Variants in FRMD4A observed in about 807,000 individuals in gnomAD.
FRMD4A encodes the protein FERM domain containing 4A.
In FRMD4A, 29 loss-of-function variants were observed where a neutral mutation model predicts 129.1. The observed-to-expected ratio is 0.22, with a 90% CI of 0.17 to 0.31. The LOEUF (loss-of-function observed/expected upper bound fraction) is 0.31, where lower values mean the gene tolerates loss of function less well. Among genes scored for constraint, FRMD4A ranks in the 10% least tolerant of loss-of-function variants. FRMD4A has a pLI of 1.00. For missense variants in FRMD4A, 1,272 were observed against 1,375.8 expected (o/e 0.92, Z 1.19); for synonymous variants, 634 against 571.6 (o/e 1.11, Z -1.56).
Position 13,651,908 on chromosome 10 carries a change from T to C in FRMD4A, c.3117A>G (p.Glu1039=). The change falls in exon 24 of 25, where the codon GAA becomes GAG. Residue 1039 remains glutamate, a synonymous_variant. Transcript: ENST00000357447. ...CAAAACTCCCCTTACGGTACCTCTA[T>C]TCATCAGTACTTTGGTGAGGTGGAG... is the stretch of plus-strand genomic sequence containing the variant. The part of the protein sequence containing the change: ...SESPPHQSTD[E] 4 of 1,535,408 alleles carry C rather than the reference T, an allele frequency of 2.6e-6. No homozygotes were observed. The highest frequency in any genetic ancestry group is 1.1e-5 in the South Asian group (1 of 89,458).
At chr10:13,799,631 T>C (rs72771021) in intron 4 of FRMD4A, among the ~76,000 whole-genome samples, 5,620 of 152,312 alleles carry the variant, frequency 0.037, 141 homozygotes, top group Admixed American at 0.054. Flanking sequence ...CTCAGCCTCC[T>C]GCGAGTACAC....
chr10:14,039,447 AATCAATCAATCTATCT>A (rs1352047658), intron 2 of FRMD4A, among the ~76,000 whole-genome samples: 6 of 68,404 alleles, frequency 8.8e-5, no homozygotes, highest in African/African-American at 3.2e-4. Context: ...GGAACCCCAA[AATCAATCAATCTATCT>A]ATCTATCTAT....
intron 2 of FRMD4A, among the ~76,000 whole-genome samples, chr10:14,080,699 G>A (rs1835880759): frequency 6.6e-6 from 1 of 151,978 alleles, no homozygotes; most frequent in East Asian, 1.9e-4. Context: ...AAGACTGCGA[G>A]GGAGGATATT....
chr10:13,856,450 T>C (rs906614111), intron 3 of FRMD4A, among the ~76,000 whole-genome samples: 1 of 152,014 alleles, frequency 6.6e-6, no homozygotes, highest in Non-Finnish European at 1.5e-5. Context: ...CCTCAAACTG[T>C]TGGGGGCTCC....
Position 13,856,856 on chromosome 10 carries a change from T to C in FRMD4A, c.111+1991A>G, listed in dbSNP as rs547728011. The stretch of plus-strand genomic sequence containing the variant: ...TTCTAAACTGCCATTTGAGGTCTCA[T>C]TTCCTATTCCAGAAGGTGGCTTCTT... On this transcript the variant is annotated intron_variant, in intron 3 of 24. Transcript: ENST00000357447. 3.3e-5 allele frequency among the ~76,000 whole-genome samples: 5 copies of C among 152,326 alleles called. No individual in the cohort carries two copies. In the East Asian group the frequency reaches 9.6e-4, roughly 29 times the overall value.
At chr10:13,655,867 G>C (rs1057068134) in intron 22 of FRMD4A, 1 of 152,120 alleles carries the variant, frequency 6.6e-6, no homozygotes, top group Admixed American at 6.5e-5. Flanking sequence ...TGCTGAGACC[G>C]GAGCACGAGG....
intron 2 of FRMD4A, among the ~76,000 whole-genome samples, chr10:14,124,337 C>T (rs1838707079): frequency 6.6e-6 from 1 of 152,162 alleles, no homozygotes; most frequent in East Asian, 1.9e-4. Flanking sequence ...CTGCAGGATA[C>T]CTGCTATTAC....
At chr10:13,711,264 G>C (rs957014752) in intron 12 of FRMD4A, among the ~76,000 whole-genome samples, 1 of 152,244 alleles carries the variant, frequency 6.6e-6, no homozygotes, top group African/African-American at 2.4e-5. Flanking sequence ...TTGAGGCTTA[G>C]AAGTCCTGCC....
At chr10:14,204,350 C>T (rs1842721544) in intron 2 of FRMD4A, among the ~76,000 whole-genome samples, 1 of 151,962 alleles carries the variant, frequency 6.6e-6, no homozygotes, top group Admixed American at 6.6e-5. Context: ...AATCACTGAG[C>T]CCAGGGAGGT....
rs561149820 is a variant in FRMD4A, at chr10:13,710,576, G to T, written c.760-3463C>A. 3 of 152,384 alleles carry T rather than the reference G, an allele frequency of 2.0e-5. No homozygotes were observed. In the East Asian group the frequency reaches 5.8e-4, roughly 29 times the overall value. 9.4% of individuals were successfully genotyped at this position (152,384 alleles called of 1,614,324 possible). A position where few individuals can be genotyped will look rare whatever the true frequency, so the allele number is the denominator to read the frequency against. On this transcript the variant is annotated intron_variant, in intron 12 of 24. Coordinates refer to ENST00000357447, the MANE Select transcript of FRMD4A (RefSeq NM_018027.5). ...ATGCACTAGACATTTTTGTGGCAGG[G>T]TGCAGAACAATGGATTCCCCCTGAT...
chr10:13,796,508 T>A lies in FRMD4A; in HGVS notation c.287A>T (p.Tyr96Phe). 1 of 1,561,444 alleles carries A rather than the reference T, an allele frequency of 6.4e-7. No homozygotes were observed. Among genetic ancestry groups the A allele is most frequent in the Non-Finnish European group, 8.8e-7 (1 of 1,131,988 alleles). ...CAGGTGTACATACCTGACACAAAAG[T>A]ATAAAACCACGGGTCCTGACTTTTT... ...FPKKSGPVVL[Y>F]FCVRFYIESI... Residue 96 changes from tyrosine (Y) to phenylalanine (F), a missense_variant, in exon 5 of 25, where the codon TAC (tyrosine) becomes TTC (phenylalanine). This residue lies in a region of FRMD4A where 300 missense variants were observed against 483.6 expected (regional missense o/e 0.62). Transcript: ENST00000357447.
chr10:14,007,038 T>A (rs184420385), intron 2 of FRMD4A: 19 of 151,958 alleles, frequency 1.3e-4, no homozygotes, highest in Admixed American at 9.2e-4. Flanking sequence ...TTTAAACCTT[T>A]AGTTTTTTTT....
chr10:14,248,335 G>T (rs190631946), intron 2 of FRMD4A, among the ~76,000 whole-genome samples: 1 of 152,078 alleles, frequency 6.6e-6, no homozygotes. Context: ...ATTTAATTCC[G>T]TTGCACATGC....
intron 23 of FRMD4A, chr10:13,653,160 G>A (rs1564514870): frequency 6.6e-6 from 1 of 151,930 alleles, no homozygotes; most frequent in Non-Finnish European, 1.5e-5. Flanking sequence ...TAAGTGTTAG[G>A]ACCCTTTCTT....
At chr10:14,185,591 A>T in intron 2 of FRMD4A, among the ~76,000 whole-genome samples, 1 of 149,980 alleles carries the variant, frequency 6.7e-6, no homozygotes, top group South Asian at 2.1e-4. Context: ...TGTAAGAAAG[A>T]GAAACAGGTA....
At chr10:13,853,404 A>G (rs932409785) in intron 3 of FRMD4A, among the ~76,000 whole-genome samples, 8 of 152,138 alleles carry the variant, frequency 5.3e-5, no homozygotes, top group East Asian at 1.9e-4. Context: ...AAAATTAGCA[A>G]TGCACATCTG....
At chr10:14,069,432 G>T (rs1365659218) in intron 2 of FRMD4A, among the ~76,000 whole-genome samples, 1 of 152,084 alleles carries the variant, frequency 6.6e-6, no homozygotes, top group African/African-American at 2.4e-5. Context: ...GTCAGGGAGA[G>T]GGCTCATAAG....
intron 8 of FRMD4A, among the ~76,000 whole-genome samples, chr10:13,754,185 T>C (rs1033884113): frequency 3.9e-5 from 6 of 152,178 alleles, no homozygotes; most frequent in Non-Finnish European, 8.8e-5. Flanking sequence ...TATTTTAATA[T>C]GTTAAATAAA....
intron 2 of FRMD4A, among the ~76,000 whole-genome samples, chr10:14,206,284 C>T (rs1166183199): frequency 6.6e-6 from 1 of 152,174 alleles, no homozygotes; most frequent in Non-Finnish European, 1.5e-5. Flanking sequence ...ACAACCCAGT[C>T]AGCACTTAAG....
Sources: gnomAD v4.1 joint callset for allele counts (sites outside exome capture counted in the v4.1 genomes callset) on GRCh38, gnomAD v4.1.1 for gene constraint, gnomAD v4.1.1 regional missense constraint, MANE v1.5 for transcripts, NCBI Gene and HGNC (gene_info 2026-07-23, HGNC 2026-07-21) for gene names.